The following DACH1 variants were observed in gnomAD, a reference collection of about 807,000 sequenced individuals.
DACH1 encodes dachshund homolog 1.
In DACH1, 12 loss-of-function variants were observed where a neutral mutation model predicts 54.2. The ratio of observed to expected loss-of-function variants is 0.22; its 90% CI spans 0.14 to 0.36. The LOEUF is 0.36. Among genes scored for constraint, DACH1 ranks in the 10% least tolerant of loss-of-function variants. The probability of loss-of-function intolerance (pLI) is 1.00; values close to 1 mark genes in which losing one functional copy is unlikely to be tolerated. For missense variants in DACH1, 805 were observed against 929.8 expected, an observed-to-expected ratio of 0.87 and a Z score of 1.75; for synonymous variants, 386 against 366.2, an observed-to-expected ratio of 1.05 and a Z score of -0.62.
chr13:71,490,222 A>G (rs939732827), intron 6 of DACH1, among the ~76,000 whole-genome samples: 2 of 152,202 alleles, frequency 1.3e-5, no homozygotes, highest in African/African-American at 4.8e-5. Context: ...TTATGCTTAT[A>G]ATTTGATTCC....
intron 1 of DACH1, among the ~76,000 whole-genome samples, chr13:71,714,813 A>T (rs1031597795): frequency 1.3e-5 from 2 of 152,094 alleles, no homozygotes; most frequent in Non-Finnish European, 2.9e-5. Flanking sequence ...GTATTTTAAA[A>T]TAGAAAGGAT....
rs561238352 is a variant in DACH1, at chr13:71,579,327, A to G, written c.1127-6315T>C. Among the ~76,000 whole-genome samples, 3 of 152,280 alleles carry G rather than the reference A, an allele frequency of 2.0e-5. No homozygotes were observed. In the South Asian group the frequency reaches 6.2e-4, roughly 32 times the overall value. ...CACAATGGTGCTGAAAGTAACAATA[A>G]GTGAAGTTGTACAAAGCACACACAA... is the stretch of plus-strand genomic sequence containing the variant. On this transcript the variant is annotated intron_variant, in intron 3 of 10. Coordinates refer to ENST00000613252, the MANE Select transcript of DACH1 (RefSeq NM_080759.6).
At chr13:71,470,377 C>T (rs997631670) in intron 10 of DACH1, among the ~76,000 whole-genome samples, 14 of 150,724 alleles carry the variant, frequency 9.3e-5, no homozygotes, top group African/African-American at 3.2e-4. Context: ...GGTGCAACTT[C>T]GGCTCACTGC....
intron 1 of DACH1, among the ~76,000 whole-genome samples, chr13:71,808,331 A>G (rs1405809393): frequency 6.6e-6 from 1 of 152,068 alleles, no homozygotes; most frequent in Non-Finnish European, 1.5e-5. Context: ...TGTGACCTCA[A>G]CTTTCATTAT....
intron 6 of DACH1, among the ~76,000 whole-genome samples, chr13:71,490,558 G>A (rs749156486): frequency 1.3e-5 from 2 of 152,174 alleles, no homozygotes; most frequent in Admixed American, 1.3e-4. Context: ...GCAAGTACTA[G>A]AGGAAGAAAC....
At chr13:71,489,187 C>T (rs775040901) in intron 6 of DACH1, 39 bp from the exon 7 acceptor site, 26 of 1,591,962 alleles carry the variant, frequency 1.6e-5, no homozygotes, top group Non-Finnish European at 2.1e-5. Flanking sequence ...ACAAGTTACG[C>T]TTGTCTGTTT....
At chr13:71,832,431 T>G (rs552047702) in intron 1 of DACH1, among the ~76,000 whole-genome samples, 1 of 152,030 alleles carries the variant, frequency 6.6e-6, no homozygotes, top group East Asian at 1.9e-4. Context: ...AAAAAATAAG[T>G]GTTTCGATTT....
chr13:71,540,091 T>C (rs186167838), intron 6 of DACH1, among the ~76,000 whole-genome samples: 17 of 152,082 alleles, frequency 1.1e-4, no homozygotes, highest in African/African-American at 2.2e-4. Context: ...TATTTATTTA[T>C]AATATAAATT....
intron 6 of DACH1, among the ~76,000 whole-genome samples, chr13:71,554,413 G>C (rs1370213230): frequency 6.6e-6 from 1 of 152,114 alleles, no homozygotes; most frequent in Non-Finnish European, 1.5e-5. Context: ...TTGGGAAACT[G>C]TCGGGCTATG....
intron 3 of DACH1, among the ~76,000 whole-genome samples, chr13:71,613,100 C>G (rs1294143163): frequency 1.3e-5 from 2 of 152,194 alleles, no homozygotes; most frequent in Admixed American, 1.3e-4. Flanking sequence ...TAGGATGGAG[C>G]AGACTTGAAG....
chr13:71,529,377 G>C (rs1210069730), intron 6 of DACH1, among the ~76,000 whole-genome samples: 1 of 151,804 alleles, frequency 6.6e-6, no homozygotes, highest in Non-Finnish European at 1.5e-5. Context: ...AGTAGAAATG[G>C]GGTTTCACCA....
chr13:71,732,719 TTTG>T (rs1373470245), intron 1 of DACH1, among the ~76,000 whole-genome samples: 2 of 152,136 alleles, frequency 1.3e-5, no homozygotes. Flanking sequence ...GCCACAACCT[TTTG>T]TTTATTTTGT....
At position 71,847,268 on chromosome 13, in the gene DACH1, A is replaced by C. The variant is rs1394902843; in HGVS notation, c.848+18654T>G. Among the ~76,000 whole-genome samples, 4 of 152,246 alleles carry C rather than the reference A, an allele frequency of 2.6e-5. No homozygotes were observed. The East Asian group carries it at 7.7e-4, about 29-fold the overall frequency. Reference sequence around the variant, plus strand: ...AAAAATCTAAAACATATGTATTTGCATTCCTATTTTAATTTATTGGTCATA... The same window carrying C: ...AAAAATCTAAAACATATGTATTTGCCTTCCTATTTTAATTTATTGGTCATA... On this transcript the variant is annotated intron_variant, in intron 1 of 10. Transcript: ENST00000613252.
intron 2 of DACH1, among the ~76,000 whole-genome samples, chr13:71,666,426 CCATACG>C (rs963633626): frequency 3.7e-4 from 57 of 152,046 alleles, no homozygotes; most frequent in African/African-American, 1.3e-3. Context: ...CTATTCTAAC[CCATACG>C]GTGAGAATTA....
intron 6 of DACH1, 46 bp from the exon 7 acceptor site, chr13:71,489,194 GT>G (rs750417107): frequency 1.2e-5 from 19 of 1,580,866 alleles, no homozygotes; most frequent in Middle Eastern, 1.7e-4. Flanking sequence ...ACGCTTGTCT[GT>G]TTTTATTAGA....
At chr13:71,551,132 G>T (rs1445454458) in intron 6 of DACH1, among the ~76,000 whole-genome samples, 1 of 151,796 alleles carries the variant, frequency 6.6e-6, no homozygotes, top group Non-Finnish European at 1.5e-5. Flanking sequence ...GATCTATTTA[G>T]AATTTAAAAG....
chr13:71,826,412 T>A (rs770363570), intron 1 of DACH1, among the ~76,000 whole-genome samples: 5 of 152,084 alleles, frequency 3.3e-5, no homozygotes, highest in Non-Finnish European at 7.4e-5. Flanking sequence ...CACAAAACCA[T>A]TTCTTATGAG....
intron 1 of DACH1, among the ~76,000 whole-genome samples, chr13:71,823,225 A>T (rs994490328): frequency 2.3e-4 from 35 of 152,244 alleles, no homozygotes; most frequent in African/African-American, 7.7e-4. Context: ...CAGCAAAATT[A>T]TTCAATCTTT....
At chr13:71,602,432 C>T (rs1188694939) in intron 3 of DACH1, among the ~76,000 whole-genome samples, 1 of 151,184 alleles carries the variant, frequency 6.6e-6, no homozygotes, top group African/African-American at 2.4e-5. Context: ...TTCTCCTTAA[C>T]CCTTTTTTAT....
Sources: allele counts gnomAD v4.1 joint callset (sites outside exome capture counted in the v4.1 genomes callset), GRCh38; gene constraint gnomAD v4.1.1; transcripts MANE v1.5; gene names NCBI Gene and HGNC (gene_info 2026-07-23, HGNC 2026-07-21).